The following SLC4A4 variants were observed in gnomAD, a reference collection of about 807,000 sequenced individuals.
The protein encoded by SLC4A4 is solute carrier family 4 member 4, also known as electrogenic sodium bicarbonate cotransporter 1.
A neutral mutation model predicts 111.5 loss-of-function variants in SLC4A4; 27 were observed. The ratio of observed to expected loss-of-function variants is 0.24; its 90% confidence interval spans 0.18 to 0.33. The LOEUF (loss-of-function observed/expected upper bound fraction) is 0.33, where lower values mean the gene tolerates loss of function less well. Ranked by LOEUF, SLC4A4 falls within the 10% of genes least tolerant of loss-of-function variation. SLC4A4 has a pLI of 1.00. For synonymous variants in SLC4A4, 443 were observed against 463.4 expected (o/e 0.96, Z 0.57); for missense variants, 909 against 1,315.5 (o/e 0.69, Z 4.78).
chr4:71,257,356 G>A (rs1385428626), intron 3 of SLC4A4, among the ~76,000 whole-genome samples: 1 of 152,142 alleles, frequency 6.6e-6, no homozygotes, highest in African/African-American at 2.4e-5. Flanking sequence ...TTTTGTTCCT[G>A]CTGATCAATG....
At chr4:71,115,865 G>T (rs1246055828) in intron 2 of SLC4A4, among the ~76,000 whole-genome samples, 1 of 152,058 alleles carries the variant, frequency 6.6e-6, no homozygotes, top group East Asian at 1.9e-4. Flanking sequence ...CATTTAAAAA[G>T]TATTTAACAT....
intron 2 of SLC4A4, among the ~76,000 whole-genome samples, chr4:71,126,274 T>C (rs1287771410): frequency 6.6e-6 from 1 of 152,146 alleles, no homozygotes; most frequent in African/African-American, 2.4e-5. Context: ...TCTGAGAAAA[T>C]TCAAATGTAT....
chr4:71,222,356 C>T (rs1305574280), intron 1 of SLC4A4, among the ~76,000 whole-genome samples: 2 of 152,158 alleles, frequency 1.3e-5, no homozygotes, highest in South Asian at 2.1e-4. Flanking sequence ...AACTATCACT[C>T]GTTGAGGCCT....
intron 3 of SLC4A4, among the ~76,000 whole-genome samples, chr4:71,333,958 G>A (rs1728219654): frequency 6.6e-6 from 1 of 152,056 alleles, no homozygotes; most frequent in Non-Finnish European, 1.5e-5. Flanking sequence ...CTGTCTAAGA[G>A]CGAAGGCCTG....
rs59513158 is a variant in SLC4A4 at position 71,513,585 on chromosome 4, T to C, written c.2166+15893T>C. On this transcript the variant is annotated intron_variant, in intron 16 of 25. Coordinates refer to ENST00000264485, the MANE Select transcript of SLC4A4 (RefSeq NM_001098484.3). The stretch of plus-strand genomic sequence containing the variant: ...GTATCGTCAGCAAAGAGGCACAATT[T>C]AACTTCCCCTTTTCCAATTTGGATG... 9.0e-3 allele frequency among the ~76,000 whole-genome samples: 1,376 copies of C among 152,270 alleles called. 21 individuals are homozygous for C. Among genetic ancestry groups the C allele is most frequent in the African/African-American group, 0.03 (1,260 of 41,558 alleles).
chr4:71,509,766 G>A (rs1360823640), intron 16 of SLC4A4, among the ~76,000 whole-genome samples: 8 of 152,162 alleles, frequency 5.3e-5, no homozygotes, highest in African/African-American at 1.9e-4. Context: ...CTGCTTTGCA[G>A]GTCCTCTTGT....
In SLC4A4 at chr4:71,497,777, G is replaced by A. The variant is rs567392460; in HGVS notation, c.2166+85G>A. The A allele has an allele frequency of 2.8e-6, 3 of 1,053,306 alleles. No individual in the cohort carries two copies. The African/African-American group carries it at 4.7e-5, about 17-fold the overall frequency. The allele number at this position is 1,053,306 out of a possible 1,614,324, so 65.2% of individuals were successfully genotyped here. On this transcript the variant is annotated intron_variant, in intron 16 of 25. Coordinates refer to ENST00000264485, the MANE Select transcript of SLC4A4 (RefSeq NM_001098484.3). ...ACTTTACAAGGTGAAAAAGGCACCT[G>A]TAATTCAATGTGTCCAATATAATTT...
intron 1 of SLC4A4, among the ~76,000 whole-genome samples, chr4:71,084,060 A>T (rs573714866): frequency 8.6e-5 from 13 of 151,432 alleles, no homozygotes; most frequent in African/African-American, 2.4e-4. Context: ...TCAAAAAGGG[A>T]TGAGGAGGGA....
intron 1 of SLC4A4, among the ~76,000 whole-genome samples, chr4:71,205,389 C>T (rs1352454614): frequency 2.0e-5 from 3 of 152,054 alleles, no homozygotes; most frequent in African/African-American, 7.3e-5. Flanking sequence ...AGATTTCTTC[C>T]ATGTCATTTT....
At chr4:71,466,963 GAGGGAGAGAGA>G (rs1560533884) in intron 13 of SLC4A4, among the ~76,000 whole-genome samples, 2,548 of 131,492 alleles carry the variant, frequency 0.019, 67 homozygotes, top group African/African-American at 0.063. Context: ...GAGAGAGAGA[GAGGGAGAGAGA>G]GAGAGGTCTG....
chr4:71,236,539 A>G (rs762866488), intron 1 of SLC4A4, 37 bp from the exon 2 acceptor site: 1 of 1,584,640 alleles, frequency 6.3e-7, no homozygotes, highest in Admixed American at 1.7e-5. Flanking sequence ...CTCCAGGAGA[A>G]GTCTGAGCAT....
intron 3 of SLC4A4, among the ~76,000 whole-genome samples, chr4:71,291,847 T>G (rs558236654): frequency 6.6e-6 from 1 of 152,328 alleles, no homozygotes; most frequent in African/African-American, 2.4e-5. Flanking sequence ...AAATTGTGAA[T>G]GAGTTATTAC....
At chr4:71,528,190 C>T (rs569341704) in intron 16 of SLC4A4, among the ~76,000 whole-genome samples, 3 of 152,152 alleles carry the variant, frequency 2.0e-5, no homozygotes, top group South Asian at 4.1e-4. Flanking sequence ...GAGTTCCTTC[C>T]GGATCCACTG....
chr4:71,266,552 A>G (rs1722274880), intron 3 of SLC4A4, among the ~76,000 whole-genome samples: 1 of 152,198 alleles, frequency 6.6e-6, no homozygotes, highest in Admixed American at 6.5e-5. Context: ...TTTGGTAAGT[A>G]GGGACTTTTA....
intron 3 of SLC4A4, among the ~76,000 whole-genome samples, chr4:71,292,832 G>A (rs112183004): frequency 7.2e-6 from 1 of 138,344 alleles, no homozygotes; most frequent in Non-Finnish European, 1.5e-5. Context: ...TCTTACTTTT[G>A]GTTTTTTTTG....
intron 3 of SLC4A4, among the ~76,000 whole-genome samples, chr4:71,262,999 G>A (rs889515555): frequency 6.7e-6 from 1 of 149,932 alleles, no homozygotes; most frequent in East Asian, 2.0e-4. Flanking sequence ...ATCTCCTAAT[G>A]CTATCCCTCC....
intron 1 of SLC4A4, among the ~76,000 whole-genome samples, chr4:71,216,616 T>G (rs1298402218): frequency 6.6e-6 from 1 of 152,308 alleles, no homozygotes; most frequent in East Asian, 1.9e-4. Context: ...TATTTTTGGC[T>G]TCCACCTTGG....
At chr4:71,139,637 A>G (rs1398205029) in intron 2 of SLC4A4, among the ~76,000 whole-genome samples, 2 of 152,126 alleles carry the variant, frequency 1.3e-5, no homozygotes, top group Admixed American at 6.5e-5. Flanking sequence ...ATTTTCTTCC[A>G]GATTCGTATA....
At chr4:71,080,383 GGAA>G (rs1741959822) in intron 1 of SLC4A4, among the ~76,000 whole-genome samples, 1 of 152,000 alleles carries the variant, frequency 6.6e-6, no homozygotes, top group South Asian at 2.1e-4. Context: ...GATCTCTCAG[GGAA>G]GAAGGCATGA....
Sources: allele counts gnomAD v4.1 joint callset (sites outside exome capture counted in the v4.1 genomes callset), GRCh38; gene constraint gnomAD v4.1.1; transcripts MANE v1.5; gene names NCBI Gene and HGNC (gene_info 2026-07-23, HGNC 2026-07-21).